TMEM108: variants seen among roughly 807,000 people sequenced by gnomAD.
The protein encoded by TMEM108 is transmembrane protein 108, also known as cancer/testis antigen 124.
A neutral mutation model predicts 35.1 loss-of-function variants in TMEM108; 12 were observed. That is an observed-to-expected ratio of 0.34 (90% confidence interval 0.22 to 0.55). The LOEUF (loss-of-function observed/expected upper bound fraction) is 0.55, where lower values mean the gene tolerates loss of function less well. Among genes scored for constraint, TMEM108 ranks in the 20% least tolerant of loss-of-function variants. TMEM108 has a pLI of 0.89. For missense variants in TMEM108, 680 were observed against 753.3 expected, an observed-to-expected ratio of 0.90 and a Z score of 1.14; for synonymous variants, 287 against 308.6, an observed-to-expected ratio of 0.93 and a Z score of 0.73.
intron 3 of TMEM108, among the ~76,000 whole-genome samples, chr3:133,323,003 C>A (rs1348036444): frequency 6.6e-6 from 1 of 152,094 alleles, no homozygotes; most frequent in Non-Finnish European, 1.5e-5. Flanking sequence ...ATAGATGGGG[C>A]ATACTTCAAG....
chr3:133,156,864 CT>C (rs1228366526), intron 2 of TMEM108, among the ~76,000 whole-genome samples: 6 of 152,248 alleles, frequency 3.9e-5, no homozygotes, highest in Admixed American at 2.6e-4. Context: ...TTGTTTTCCC[CT>C]TTTTTTCTCT....
At chr3:133,195,808 A>G (rs186946395) in intron 2 of TMEM108, among the ~76,000 whole-genome samples, 1 of 152,364 alleles carries the variant, frequency 6.6e-6, no homozygotes, top group Admixed American at 6.5e-5. Flanking sequence ...GAGCTCAGAT[A>G]TAATCTGAAG....
intron 2 of TMEM108, among the ~76,000 whole-genome samples, chr3:133,159,291 TA>T (rs1414953035): frequency 2.0e-5 from 3 of 152,246 alleles, no homozygotes; most frequent in African/African-American, 7.2e-5. Context: ...CTAGTTTTGC[TA>T]ATCTAGTTAG....
At chr3:133,299,412 C>T (rs1028341518) in intron 3 of TMEM108, among the ~76,000 whole-genome samples, 4 of 152,048 alleles carry the variant, frequency 2.6e-5, no homozygotes, top group African/African-American at 7.3e-5. Context: ...TCTGTATAGA[C>T]GGGGTTGGAG....
rs745541442 is a variant in TMEM108, at chr3:133,379,891, T to C, written c.180T>C (p.His60=). The C allele has an allele frequency of 1.2e-6, 2 of 1,613,768 alleles. No individual in the cohort carries two copies. Among genetic ancestry groups the C allele is most frequent in the South Asian group, 1.1e-5 (1 of 91,044 alleles). Residue 60 remains histidine (H), a synonymous_variant, in exon 4 of 6, where the codon CAT becomes CAC. Transcript: ENST00000321871. ...CAGCACCCCACAGCTCTACCAGACA[T>C]ACTTCTGTGGTGATGCTGACCCCCA... ...MVTAPHSSTR[H]TSVVMLTPNP...
Position 133,274,271 on chromosome 3 carries a change from A to T in TMEM108, c.40+44920A>T, listed in dbSNP as rs2107684085. ...GTTTCATTTTGTTTTGTTTTTCATA[A>T]ACTGTGCTTCTGTCGAGGCTGTAGA... On this transcript the variant is annotated intron_variant, in intron 3 of 5. Coordinates refer to ENST00000321871, the MANE Select transcript of TMEM108 (RefSeq NM_023943.4). Among the ~76,000 whole-genome samples, 2 of 152,274 alleles carry T rather than the reference A, an allele frequency of 1.3e-5. 1 individual carries two copies. Among genetic ancestry groups the T allele is most frequent in the South Asian group, 4.1e-4 (2 of 4,822 alleles).
At chr3:133,282,027 G>GGC (rs1369584405) in intron 3 of TMEM108, among the ~76,000 whole-genome samples, 1 of 152,096 alleles carries the variant, frequency 6.6e-6, no homozygotes, top group Non-Finnish European at 1.5e-5. Flanking sequence ...CATGGTGGCA[G>GGC]GCACCTGTAG....
chr3:133,075,660 A>T (rs965276314), intron 2 of TMEM108, among the ~76,000 whole-genome samples: 12 of 151,696 alleles, frequency 7.9e-5, no homozygotes, highest in Admixed American at 7.9e-4. Context: ...TATCCTTTTT[A>T]TCTTTTTGAT....
intron 3 of TMEM108, among the ~76,000 whole-genome samples, chr3:133,268,934 A>G (rs947461474): frequency 5.3e-5 from 8 of 152,336 alleles, no homozygotes; most frequent in Non-Finnish European, 1.0e-4. Flanking sequence ...GTGGGAGCCA[A>G]TTAACTACTG....
chr3:133,252,095 A>G (rs190966497), intron 3 of TMEM108, among the ~76,000 whole-genome samples: 2 of 152,312 alleles, frequency 1.3e-5, no homozygotes, highest in East Asian at 3.9e-4. Flanking sequence ...GTGTCCTTGA[A>G]ATAATGACTG....
At chr3:133,096,159 G>A (rs756789688) in intron 2 of TMEM108, among the ~76,000 whole-genome samples, 2 of 152,086 alleles carry the variant, frequency 1.3e-5, no homozygotes, top group Non-Finnish European at 2.9e-5. Context: ...TGCAGTGGTG[G>A]TTTTTGTTTG....
intron 2 of TMEM108, among the ~76,000 whole-genome samples, chr3:133,056,341 A>T (rs1368450276): frequency 1.3e-5 from 2 of 152,196 alleles, no homozygotes; most frequent in Non-Finnish European, 2.9e-5. Context: ...TAGCATTGAT[A>T]GACTTTGAGT....
At chr3:133,339,498 A>T (rs2071599626) in intron 3 of TMEM108, among the ~76,000 whole-genome samples, 1 of 151,940 alleles carries the variant, frequency 6.6e-6, no homozygotes, top group Non-Finnish European at 1.5e-5. Context: ...CCAATACAAT[A>T]ATAGCTGGGA....
intron 2 of TMEM108, among the ~76,000 whole-genome samples, chr3:133,167,679 G>A (rs1012558019): frequency 3.3e-5 from 5 of 152,178 alleles, no homozygotes; most frequent in Admixed American, 6.5e-5. Context: ...CCGGCCGACC[G>A]CTCGGAGTGT....
intron 2 of TMEM108, among the ~76,000 whole-genome samples, chr3:133,135,118 T>G (rs1944546259): frequency 6.6e-6 from 1 of 152,150 alleles, no homozygotes; most frequent in African/African-American, 2.4e-5. Context: ...TCTTCTCTCA[T>G]TGTTACTTTC....
chr3:133,202,898 A>G (rs140618838), intron 2 of TMEM108, among the ~76,000 whole-genome samples: 2 of 152,146 alleles, frequency 1.3e-5, no homozygotes. Context: ...GGCCATTTTC[A>G]TGATATTGAT....
chr3:133,342,568 A>ACG (rs1168410800), intron 3 of TMEM108, among the ~76,000 whole-genome samples: 1 of 138,432 alleles, frequency 7.2e-6, no homozygotes, highest in Non-Finnish European at 1.6e-5. Context: ...ACACACACAC[A>ACG]CAATGGAGTA....
At chr3:133,146,614 G>C (rs1230225892) in intron 2 of TMEM108, among the ~76,000 whole-genome samples, 1 of 152,050 alleles carries the variant, frequency 6.6e-6, no homozygotes, top group African/African-American at 2.4e-5. Context: ...TTAGTTGGTA[G>C]GCTATTAATT....
chr3:133,370,124 G>A (rs945510236), intron 3 of TMEM108, among the ~76,000 whole-genome samples: 1 of 147,290 alleles, frequency 6.8e-6, no homozygotes, highest in Middle Eastern at 3.3e-3. Flanking sequence ...ATTAACTGAA[G>A]TAGCACTTTG....
Sources: allele counts gnomAD v4.1 joint callset (sites outside exome capture counted in the v4.1 genomes callset), GRCh38; gene constraint gnomAD v4.1.1; transcripts MANE v1.5; gene names NCBI Gene and HGNC (gene_info 2026-07-23, HGNC 2026-07-21).